Variants in PDS5A observed in about 807,000 individuals in gnomAD.
PDS5A encodes the protein PDS5 cohesin associated factor A.
PDS5A carries 42 observed loss-of-function variants against 167.1 expected under a neutral mutation model. That is an observed-to-expected ratio of 0.25 (90% CI 0.20 to 0.33). The LOEUF (loss-of-function observed/expected upper bound fraction) is 0.33, where lower values mean the gene tolerates loss of function less well. Among genes scored for constraint, PDS5A ranks in the 10% least tolerant of loss-of-function variants. The pLI is 1.00. For missense variants in PDS5A, 1,033 were observed against 1,605.9 expected (o/e 0.64, Z 6.10); for synonymous variants, 553 against 554.6 (o/e 1.00, Z 0.04).
intron 16 of PDS5A, among the ~76,000 whole-genome samples, chr4:39,897,230 C>T (rs1722492645): frequency 6.6e-6 from 1 of 151,958 alleles, no homozygotes; most frequent in African/African-American, 2.4e-5. Context: ...CCTACCTCTA[C>T]TAATAATACA....
At chr4:39,849,102 A>G (rs1158711492) in intron 27 of PDS5A, 132 bp from the exon 28 acceptor site, 1 of 692,486 alleles carries the variant, frequency 1.4e-6, no homozygotes, top group East Asian at 2.8e-5. Flanking sequence ...AACATTCCAT[A>G]TTTCTGTTCA....
chr4:39,829,199 G>A (rs1715588938), intron 32 of PDS5A, among the ~76,000 whole-genome samples: 1 of 152,186 alleles, frequency 6.6e-6, no homozygotes, highest in East Asian at 1.9e-4. Context: ...CAGGTCTCAG[G>A]AAAATGCAGG....
chr4:39,962,453 C>T (rs1049185634), intron 2 of PDS5A, among the ~76,000 whole-genome samples: 2 of 152,132 alleles, frequency 1.3e-5, no homozygotes, highest in African/African-American at 4.8e-5. Flanking sequence ...ACTCTTGTTG[C>T]CAGGAAGCAA....
At chr4:39,922,524 A>G in intron 6 of PDS5A, 98 bp downstream of exon 6, 1 of 1,072,658 alleles carries the variant, frequency 9.3e-7, no homozygotes, top group Non-Finnish European at 1.2e-6. Context: ...CATGAGAACA[A>G]TTACATGGGA....
At chr4:39,923,638 A>AACACACACATACACACACATACAC (rs1553902729) in intron 5 of PDS5A, among the ~76,000 whole-genome samples, 2 of 125,212 alleles carry the variant, frequency 1.6e-5, no homozygotes, top group African/African-American at 5.5e-5. Context: ...CCTGTCTCAA[A>AACACACACATACACACACATACAC]ACACACACAC....
chr4:39,857,908 A>C (rs1463925359), intron 26 of PDS5A, among the ~76,000 whole-genome samples: 1 of 152,094 alleles, frequency 6.6e-6, no homozygotes, highest in Admixed American at 6.6e-5. Context: ...GGCCCAAGCA[A>C]TTCTCCCGCC....
intron 22 of PDS5A, among the ~76,000 whole-genome samples, chr4:39,868,956 G>A (rs1321040848): frequency 6.6e-6 from 1 of 152,146 alleles, no homozygotes; most frequent in Non-Finnish European, 1.5e-5. Context: ...TATGCTTGTA[G>A]ATAGTGGTGA....
In PDS5A at chr4:39,977,843, C is replaced by T. The variant is rs1359958881; in HGVS notation, c.-427G>A. 4 of 149,834 alleles carry T rather than the reference C, an allele frequency of 2.7e-5. No homozygotes were observed. Among genetic ancestry groups the T allele is most frequent in the South Asian group, 2.1e-4 (1 of 4,826 alleles). The allele number at this position is 149,834 out of a possible 1,614,324, so 9.3% of individuals were successfully genotyped here. A position where few individuals can be genotyped will look rare whatever the true frequency, so the allele number is the denominator to read the frequency against. On this transcript the variant is annotated 5_prime_UTR_variant, in exon 1 of 33. Transcript: ENST00000303538. The surrounding 1 kb of genome is among the most constrained non-coding windows in gnomAD (Gnocchi z 4.2). ...CCCCTCGCAGAGGCGCGCGCCCGGC[C>T]GTCCGTGCCCCGGGAGCCGGGGCCT...
intron 32 of PDS5A, among the ~76,000 whole-genome samples, chr4:39,833,027 A>AATAT (rs1349034944): frequency 2.0e-5 from 3 of 148,748 alleles, no homozygotes; most frequent in African/African-American, 7.4e-5. Flanking sequence ...TAAATAAATA[A>AATAT]ATATATATAT....
At chr4:39,935,313 G>T (rs1726491414) in intron 2 of PDS5A, among the ~76,000 whole-genome samples, 1 of 152,196 alleles carries the variant, frequency 6.6e-6, no homozygotes, top group Non-Finnish European at 1.5e-5. Flanking sequence ...GGCCAGGCTG[G>T]TCTCAAACTC....
At chr4:39,912,426 C>A (rs1723974090) in intron 9 of PDS5A, among the ~76,000 whole-genome samples, 1 of 152,220 alleles carries the variant, frequency 6.6e-6, no homozygotes, top group Admixed American at 6.5e-5. Flanking sequence ...GCAGTTGCTT[C>A]ATTCCCACCA....
rs115162380 is a variant in PDS5A at position 39,946,899 on chromosome 4, C to T, written c.139-18735G>A. Among the ~76,000 whole-genome samples the T allele has an allele frequency of 4.6e-3, 705 of 151,774 alleles. 8 individuals carry two copies. The highest frequency in any genetic ancestry group is 0.016 in the African/African-American group (660 of 41,372). On this transcript the variant is annotated intron_variant, in intron 2 of 32. Transcript: ENST00000303538. ...CTGCACTCCAGCCTGGGCGTTGCAG[C>T]AAGACTTGTGTCTTGGGAAAAAGAG... is the stretch of plus-strand genomic sequence containing the variant.
chr4:39,898,688 C>A, intron 15 of PDS5A, 89 bp downstream of exon 15: 1 of 971,370 alleles, frequency 1.0e-6, no homozygotes. Flanking sequence ...TTTTCTTTTA[C>A]TTAACATTAA....
In PDS5A at chr4:39,838,070, A is replaced by T. The variant is rs761119811; in HGVS notation, c.3796T>A (p.Ser1266Thr). Reference protein sequence around the residue: ...KVDESGPPAPSKPRRGRRPKS... With the variant: ...KVDESGPPAPTKPRRGRRPKS... ...GGTCGACGTCCTCTCCTGGGTTTGG[A>T]AGGGGCGGGAGGTCCCGATTCATCT... is the stretch of plus-strand genomic sequence containing the variant. Residue 1266 changes from serine to threonine, a missense_variant, in exon 32 of 33, where the codon TCC becomes ACC. This residue lies in a region of PDS5A where 233 missense variants were observed against 264.0 expected (regional missense o/e 0.88). Coordinates refer to ENST00000303538, the MANE Select transcript of PDS5A (RefSeq NM_001100399.2). 8.1e-6 allele frequency: 13 copies of T among 1,613,822 alleles called. No homozygotes were observed. The highest frequency in any genetic ancestry group is 1.1e-5 in the Non-Finnish European group (13 of 1,179,886).
At chr4:39,886,215 C>T (rs79956588) in intron 17 of PDS5A, among the ~76,000 whole-genome samples, 56 of 152,224 alleles carry the variant, frequency 3.7e-4, no homozygotes, top group Non-Finnish European at 6.3e-4. Flanking sequence ...GATTTGGTTA[C>T]TGTAGTTTTG....
rs1714991731 is a variant in PDS5A, at chr4:39,822,954, G to C, written c.*2531C>G. ...CACTTGTCATTTACACAAATTACAA[G>C]GTTCTGCTTCAAGTTTTTAAAAAAA... On this transcript the variant is annotated 3_prime_UTR_variant, in exon 33 of 33. Coordinates refer to ENST00000303538, the MANE Select transcript of PDS5A (RefSeq NM_001100399.2). The C allele has an allele frequency of 6.6e-6, 1 of 152,468 alleles. No homozygotes were observed. Among genetic ancestry groups the C allele is most frequent in the Admixed American group, 6.6e-5 (1 of 15,252 alleles). The allele number at this position is 152,468 out of a possible 1,614,324, so 9.4% of individuals were successfully genotyped here. A position where few individuals can be genotyped will look rare whatever the true frequency, so the allele number is the denominator to read the frequency against.
intron 19 of PDS5A, among the ~76,000 whole-genome samples, chr4:39,875,035 A>T (rs1303736516): frequency 6.6e-6 from 1 of 152,210 alleles, no homozygotes; most frequent in Non-Finnish European, 1.5e-5. Flanking sequence ...AAGCACAAAG[A>T]TGTTATTTAA....
chr4:39,856,830 C>CTAAA (rs1055975413), intron 26 of PDS5A, among the ~76,000 whole-genome samples: 5 of 151,254 alleles, frequency 3.3e-5, no homozygotes, highest in Admixed American at 3.3e-4. Flanking sequence ...AAATACATAA[C>CTAAA]TAAATAAATA....
chr4:39,884,446 A>C (rs767014396), intron 17 of PDS5A, among the ~76,000 whole-genome samples: 2 of 152,182 alleles, frequency 1.3e-5, no homozygotes, highest in African/African-American at 2.4e-5. Flanking sequence ...AATACTGATC[A>C]CCTTCTCTGT....
Sources: allele counts gnomAD v4.1 joint callset (sites outside exome capture counted in the v4.1 genomes callset), GRCh38; gene constraint gnomAD v4.1.1; regional missense constraint gnomAD v4.1.1; non-coding constraint Gnocchi (gnomAD v3.1); transcripts MANE v1.5; gene names NCBI Gene and HGNC (gene_info 2026-07-23, HGNC 2026-07-21).